Variants in TENM3 observed in about 807,000 individuals in gnomAD.
The protein encoded by TENM3 is teneurin transmembrane protein 3.
Under a neutral mutation model 255.1 loss-of-function variants are expected in TENM3, and 63 were observed. The observed-to-expected ratio is 0.25, with a 90% CI of 0.20 to 0.30. The LOEUF (loss-of-function observed/expected upper bound fraction) is 0.30. TENM3 is among the 10% of genes least tolerant of loss of function. The pLI is 1.00. For synonymous variants in TENM3, 1,306 were observed against 1,322.3 expected (o/e 0.99, Z 0.27); for missense variants, 2,929 against 3,461.1 (o/e 0.85, Z 3.86).
intron 3 of TENM3, among the ~76,000 whole-genome samples, chr4:182,351,862 A>G (rs1765202956): frequency 6.6e-6 from 1 of 152,220 alleles, no homozygotes; most frequent in East Asian, 1.9e-4. Context: ...CTCTAGTCCT[A>G]TGAGGTCAGG....
chr4:182,301,143 A>G (rs771287288), intron 1 of TENM3, among the ~76,000 whole-genome samples: 1 of 152,180 alleles, frequency 6.6e-6, no homozygotes, highest in Non-Finnish European at 1.5e-5. Flanking sequence ...ACCGTTTCCT[A>G]TATTTCCTTT....
At chr4:181,704,756 G>A in the TENM3 span, among the ~76,000 whole-genome samples, 1 of 151,842 alleles carries the variant, frequency 6.6e-6, no homozygotes, top group African/African-American at 2.4e-5. Flanking sequence ...CCCCTGGCAG[G>A]GCCCGGTGGC....
At chr4:182,345,925 C>T (rs1764768163) in intron 2 of TENM3, among the ~76,000 whole-genome samples, 2 of 152,074 alleles carry the variant, frequency 1.3e-5, no homozygotes, top group Admixed American at 6.6e-5. Context: ...GATTGGTTTA[C>T]TCTGATCAAT....
At chr4:181,767,942 A>G in the TENM3 span, among the ~76,000 whole-genome samples, 2 of 105,354 alleles carry the variant, frequency 1.9e-5, no homozygotes, top group South Asian at 4.3e-4. Flanking sequence ...AAAAATCTAT[A>G]TGTGTAACTG....
chr4:182,100,448 A>ATATATATAT, the TENM3 span, among the ~76,000 whole-genome samples: 4 of 114,698 alleles, frequency 3.5e-5, no homozygotes, highest in Admixed American at 1.8e-4. Context: ...TAAAAAAAAA[A>ATATATATAT]ATATATATAT....
chr4:182,043,068 T>C, the TENM3 span, among the ~76,000 whole-genome samples: 1 of 152,150 alleles, frequency 6.6e-6, no homozygotes, highest in Non-Finnish European at 1.5e-5. Flanking sequence ...TATTTTAATA[T>C]CCATCTCAAG....
intron 1 of TENM3, among the ~76,000 whole-genome samples, chr4:182,252,763 C>T (rs1288525581): frequency 6.6e-6 from 1 of 151,964 alleles, no homozygotes; most frequent in African/African-American, 2.4e-5. Flanking sequence ...GGAAGCAAAT[C>T]GGCATTTATT....
chr4:181,675,112 G>A, the TENM3 span, among the ~76,000 whole-genome samples: 12,017 of 152,024 alleles, frequency 0.079, 1,287 homozygotes, highest in African/African-American at 0.25. Flanking sequence ...TGATACACAC[G>A]CCTGAATCCG....
the TENM3 span, among the ~76,000 whole-genome samples, chr4:182,016,059 C>A: frequency 1.3e-5 from 2 of 152,222 alleles, no homozygotes; most frequent in South Asian, 2.1e-4. Flanking sequence ...CTTAAAATGC[C>A]TGAGCGGTTA....
chr4:182,162,207 A>T (rs1638614594), intron 1 of TENM3, among the ~76,000 whole-genome samples: 1 of 152,038 alleles, frequency 6.6e-6, no homozygotes, highest in Admixed American at 6.6e-5. Flanking sequence ...TGCTGAAAGC[A>T]AATTTTAAAC....
chr4:181,976,448 A>T, the TENM3 span: 1 of 152,128 alleles, frequency 6.6e-6, no homozygotes, highest in South Asian at 2.1e-4. Flanking sequence ...GTGTCTCTGT[A>T]CCACATTTTG....
chr4:181,963,859 G>A, the TENM3 span, among the ~76,000 whole-genome samples: 3 of 152,126 alleles, frequency 2.0e-5, no homozygotes, highest in Non-Finnish European at 4.4e-5. Context: ...TGTGTTGTAA[G>A]TAATTAATTT....
At position 182,322,351 on chromosome 4, in the gene TENM3, C is replaced by A. The variant is rs138102092; in HGVS notation, c.-75-1595C>A. On this transcript the variant is annotated intron_variant, in intron 1 of 27. Coordinates refer to ENST00000511685, the MANE Select transcript of TENM3 (RefSeq NM_001080477.4). ...GGAAGCAGAGAAATATGGAACCCCA[C>A]AAGGGAACCCTTCATTGGCAACATG... 2.8e-3 allele frequency among the ~76,000 whole-genome samples: 434 copies of A among 152,296 alleles called. 6 individuals carry two copies. The highest frequency in any genetic ancestry group is 9.8e-3 in the African/African-American group (408 of 41,556).
At chr4:182,349,023 G>T (rs934456855) in intron 3 of TENM3, among the ~76,000 whole-genome samples, 1 of 152,164 alleles carries the variant, frequency 6.6e-6, no homozygotes, top group Non-Finnish European at 1.5e-5. Context: ...CCAAGTAGTG[G>T]CTAGGAAGCA....
the TENM3 span, among the ~76,000 whole-genome samples, chr4:182,082,123 T>C: frequency 2.6e-5 from 4 of 152,178 alleles, no homozygotes; most frequent in African/African-American, 9.6e-5. Flanking sequence ...CTGGGTGACT[T>C]ATAAACAACA....
chr4:182,315,194 T>G (rs900819597), intron 1 of TENM3, among the ~76,000 whole-genome samples: 3 of 152,200 alleles, frequency 2.0e-5, no homozygotes, highest in Non-Finnish European at 4.4e-5. Context: ...GAACAATATC[T>G]TATATATTTA....
intron 1 of TENM3, among the ~76,000 whole-genome samples, chr4:182,295,984 T>C (rs1761463652): frequency 6.6e-6 from 1 of 152,162 alleles, no homozygotes; most frequent in Non-Finnish European, 1.5e-5. Flanking sequence ...AGCGTTTCAC[T>C]CTTGTTGCCC....
intron 3 of TENM3, among the ~76,000 whole-genome samples, chr4:182,380,682 A>G (rs72699948): frequency 0.021 from 3,219 of 152,242 alleles, 56 homozygotes; most frequent in African/African-American, 0.048. Context: ...AGGATTCAAA[A>G]TTGTTATTTA....
intron 3 of TENM3, among the ~76,000 whole-genome samples, chr4:182,479,446 GC>G (rs1733984151): frequency 1.3e-5 from 2 of 151,810 alleles, no homozygotes; most frequent in Admixed American, 1.3e-4. Flanking sequence ...GAACACTGCA[GC>G]CTAAACTCAG....
Sources: allele counts gnomAD v4.1 joint callset (sites outside exome capture counted in the v4.1 genomes callset), GRCh38; gene constraint gnomAD v4.1.1; transcripts MANE v1.5; gene names NCBI Gene and HGNC (gene_info 2026-07-23, HGNC 2026-07-21).